The following ADGRG2 variants were observed in gnomAD, a reference collection of about 807,000 sequenced individuals.
ADGRG2 encodes the protein adhesion G protein-coupled receptor G2, also known as G protein-coupled receptor 64.
Under a neutral mutation model 74.1 loss-of-function variants are expected in ADGRG2, and 26 were observed. The observed-to-expected ratio is 0.35, with a 90% CI of 0.26 to 0.49. The LOEUF is 0.49. ADGRG2 is among the 20% of genes least tolerant of loss of function. The probability of loss-of-function intolerance (pLI) is 0.99; values close to 1 mark genes in which losing one functional copy is unlikely to be tolerated. For synonymous variants in ADGRG2, 296 were observed against 295.2 expected (o/e 1.00, Z -0.03); for missense variants, 619 against 763.1 (o/e 0.81, Z 2.22).
intron 3 of ADGRG2, among the ~76,000 whole-genome samples, chrX:19,063,671 G>A (rs182780469): frequency 3.6e-5 from 4 of 112,162 alleles, no homozygotes; most frequent in East Asian, 5.6e-4. Context: ...GGCACTGACC[G>A]CACACTGCAA....
chrX:19,110,992 A>G (rs189913445), intron 1 of ADGRG2, among the ~76,000 whole-genome samples: 6,688 of 111,524 alleles, frequency 0.06, 488 homozygotes, highest in African/African-American at 0.21. Flanking sequence ...AAAGAGACGG[A>G]GAAGGATGGA....
chrX:19,088,541 C>T (rs2061968513), intron 1 of ADGRG2, among the ~76,000 whole-genome samples: 1 of 111,458 alleles, frequency 9.0e-6, no homozygotes, highest in Non-Finnish European at 1.9e-5. Context: ...GTTGCTCAGG[C>T]TGAAGTGCAG....
intron 1 of ADGRG2, among the ~76,000 whole-genome samples, chrX:19,094,174 C>G (rs12851609): frequency 9.0e-6 from 1 of 110,533 alleles, no homozygotes; most frequent in Non-Finnish European, 1.9e-5. Flanking sequence ...TAGATGGACA[C>G]AGAGTATGGA....
chrX:19,042,648 C>G (rs771075406), intron 3 of ADGRG2, among the ~76,000 whole-genome samples: 6 of 111,114 alleles, frequency 5.4e-5, no homozygotes, highest in African/African-American at 2.0e-4. Flanking sequence ...GTCCTCCATC[C>G]CTGAGTTTGA....
chrX:19,002,720 A>G, intron 24 of ADGRG2, 126 bp downstream of exon 24: 1 of 604,000 alleles, frequency 1.7e-6, no homozygotes, highest in Non-Finnish European at 2.7e-6. Flanking sequence ...CACATGTAAG[A>G]GTATAAAGCT....
rs1207659738 is a variant in ADGRG2, at chrX:18,999,907, C to T, written c.2284G>A (p.Gly762Arg). Residue 762 changes from glycine to arginine, a missense_variant, in exon 25 of 29, where the codon GGG becomes AGG. Physicochemically the swap from Gly to Arg is moderately radical, Grantham distance 125 (BLOSUM62 -2). Transcript: ENST00000379869. Reference sequence around the variant, plus strand: ...GGGAATTTCCCATAGGATCCAAGCCCATAGTTATCTGGGGATATAGTCAGG... The same window carrying T: ...GGGAATTTCCCATAGGATCCAAGCCTATAGTTATCTGGGGATATAGTCAGG... Reference protein sequence around the residue: ...IILTISPDNYGLGSYGKFPNG... With the variant: ...IILTISPDNYRLGSYGKFPNG... 8.3e-7 allele frequency: 1 copy of T among 1,199,105 alleles called. No individual in the cohort carries two copies. Among genetic ancestry groups the T allele is most frequent in the South Asian group, 1.8e-5 (1 of 56,651 alleles).
Position 19,002,999 on chromosome X carries a change from G to A in ADGRG2, c.2077C>T (p.Leu693Phe). The A allele has an allele frequency of 8.3e-7, 1 of 1,207,445 alleles. No homozygotes were observed. The highest frequency in any genetic ancestry group is 1.1e-6 in the Non-Finnish European group (1 of 891,680). The stretch of plus-strand genomic sequence containing the variant: ...AGAAATACAGCCACTGAGATGCAGA[G>A]GCCTTGCATCTTATACAGAGCAATC... ...SWIALYKMQG[L>F]CISVAVFLHY... Residue 693 changes from leucine to phenylalanine, a missense_variant, in exon 24 of 29, where the codon CTC becomes TTC. Physicochemically the swap from Leu to Phe is conservative, Grantham distance 22. Around this residue, in one of 3 missense-constraint regions of ADGRG2, gnomAD observed 221 missense variants for 340.6 expected, o/e 0.65. Coordinates refer to ENST00000379869, the MANE Select transcript of ADGRG2 (RefSeq NM_001079858.3).
chrX:19,115,541 T>C (rs750757629), intron 1 of ADGRG2, among the ~76,000 whole-genome samples: 1 of 111,620 alleles, frequency 9.0e-6, no homozygotes, highest in African/African-American at 3.2e-5. Flanking sequence ...AATGGTGTTC[T>C]GGGCAGGTAG....
chrX:19,025,662 G>A lies in ADGRG2; in HGVS notation c.470+1557C>T, dbSNP rs1050286079. On this transcript the variant is annotated intron_variant, in intron 11 of 28. Transcript: ENST00000379869. ...TATAATCCTAGCACTTTGAGAGGCC[G>A]AGGTGGGCAGAACACTTGAGGTCAA... Among the ~76,000 whole-genome samples the A allele has an allele frequency of 7.2e-5, 8 of 111,241 alleles. No individual in the cohort carries two copies. In the South Asian group the frequency reaches 2.3e-3, roughly 32 times the overall value.
At chrX:19,008,516 A>G (rs999024760) in intron 18 of ADGRG2, among the ~76,000 whole-genome samples, 1 of 110,500 alleles carries the variant, frequency 9.0e-6, no homozygotes, top group South Asian at 3.9e-4. Context: ...AAATACAAAA[A>G]TTAGCCGGGT....
rs199795489 is a variant in ADGRG2, at chrX:18,999,295, G to A, written c.2331-16C>T. 1.5e-4 allele frequency: 172 copies of A among 1,159,100 alleles called. No individual in the cohort carries two copies. In the East Asian group the frequency reaches 3.4e-3, roughly 23 times the overall value. ...GATCCAGCAGCTGGAGTTTGTGGAGGGGGGGAAACAGGGGAAAACATATTA... is the reference window on the plus strand; with the variant it reads ...GATCCAGCAGCTGGAGTTTGTGGAGAGGGGGAAACAGGGGAAAACATATTA... On this transcript the variant is annotated splice_polypyrimidine_tract_variant and intron_variant, in intron 25 of 28. Transcript: ENST00000379869.
chrX:19,019,548 ATTTTTTTT>A, intron 15 of ADGRG2, 43 bp downstream of exon 15: 1 of 529,828 alleles, frequency 1.9e-6, no homozygotes, highest in Non-Finnish European at 3.1e-6. Context: ...TAGCATGGTG[ATTTTTTTT>A]TTTTTTTTTT....
chrX:19,009,852 C>G, intron 17 of ADGRG2, 70 bp from the exon 18 acceptor site: 1 of 907,669 alleles, frequency 1.1e-6, no homozygotes, highest in Non-Finnish European at 1.5e-6. Context: ...CGCTCTGTTG[C>G]CAGGCTGGGG....
intron 4 of ADGRG2, among the ~76,000 whole-genome samples, chrX:19,038,354 C>T (rs764395976): frequency 8.9e-6 from 1 of 112,055 alleles, no homozygotes; most frequent in African/African-American, 3.2e-5. Context: ...CTGGTATGGA[C>T]CAAAGTTGGG....
At chrX:19,030,015 G>C (rs1276803624) in intron 9 of ADGRG2, among the ~76,000 whole-genome samples, 1 of 112,153 alleles carries the variant, frequency 8.9e-6, no homozygotes, top group African/African-American at 3.2e-5. Context: ...TCACACAATA[G>C]AAAGTGTTTG....
intron 1 of ADGRG2, among the ~76,000 whole-genome samples, chrX:19,104,442 G>T (rs2062243179): frequency 9.0e-6 from 1 of 111,674 alleles, no homozygotes; most frequent in Admixed American, 9.6e-5. Flanking sequence ...CCATTATCAG[G>T]CTTATTTCCA....
At chrX:19,053,283 G>A (rs976559851) in intron 3 of ADGRG2, among the ~76,000 whole-genome samples, 2 of 111,413 alleles carry the variant, frequency 1.8e-5, no homozygotes, top group African/African-American at 6.5e-5. Context: ...TTGAACCCAT[G>A]CTTGGGAAGC....
chrX:19,031,187 C>A, intron 8 of ADGRG2, 150 bp from the exon 9 acceptor site: 1 of 470,366 alleles, frequency 2.1e-6, no homozygotes, highest in Non-Finnish European at 3.7e-6. Flanking sequence ...TCCACAAAGA[C>A]TAAAGAAATG....
chrX:19,049,455 T>TTTTTGTTG (rs1328733136), intron 3 of ADGRG2, among the ~76,000 whole-genome samples: 1 of 91,003 alleles, frequency 1.1e-5, no homozygotes, highest in African/African-American at 4.8e-5. Context: ...TTTTTTTTTT[T>TTTTTGTTG]TTGTTGTTGT....
Sources: gnomAD v4.1 joint callset for allele counts (sites outside exome capture counted in the v4.1 genomes callset) on GRCh38, gnomAD v4.1.1 for gene constraint, gnomAD v4.1.1 regional missense constraint, MANE v1.5 for transcripts, NCBI Gene and HGNC (gene_info 2026-07-23, HGNC 2026-07-21) for gene names.